TMEM116: variants seen among roughly 807,000 people sequenced by gnomAD.
TMEM116 encodes the protein transmembrane protein 116.
In TMEM116, 38 loss-of-function variants were observed where a neutral mutation model predicts 44.3. That is an observed-to-expected ratio of 0.86 (90% confidence interval 0.66 to 1.12). The LOEUF is 1.12. Among genes scored for constraint, TMEM116 ranks in the 50% most tolerant of loss-of-function variants. The pLI, the probability that TMEM116 is intolerant of heterozygous loss-of-function variation, is 0.00. For missense variants in TMEM116, 354 were observed against 401.7 expected, an observed-to-expected ratio of 0.88 and a Z score of 1.01; for synonymous variants, 132 against 144.8, an observed-to-expected ratio of 0.91 and a Z score of 0.64.
chr12:111,993,630 A>C, intron 3 of TMEM116: 2 of 562,172 alleles, frequency 3.6e-6, no homozygotes, highest in Non-Finnish European at 6.9e-6. Flanking sequence ...CATTCTACAA[A>C]GGGGTTGCTC....
At chr12:111,997,944 A>C (rs2077021317) in intron 3 of TMEM116, among the ~76,000 whole-genome samples, 1 of 152,206 alleles carries the variant, frequency 6.6e-6, no homozygotes, top group South Asian at 2.1e-4. Context: ...CTGGCTTATG[A>C]CCTATCATAA....
intron 1 of TMEM116, among the ~76,000 whole-genome samples, chr12:112,009,819 C>G (rs1032556315): frequency 2.7e-5 from 4 of 150,536 alleles, no homozygotes; most frequent in African/African-American, 9.8e-5. Context: ...GAACTCCAGC[C>G]TGAGTGACCA....
intron 5 of TMEM116, among the ~76,000 whole-genome samples, chr12:111,942,802 GTA>G (rs1053574180): frequency 1.3e-5 from 2 of 151,930 alleles, no homozygotes; most frequent in Non-Finnish European, 2.9e-5. Flanking sequence ...GTGGGTGTGT[GTA>G]TGTGTGTGTG....
At chr12:111,946,421 C>T (rs950713226) in intron 4 of TMEM116, among the ~76,000 whole-genome samples, 2 of 152,196 alleles carry the variant, frequency 1.3e-5, no homozygotes, top group South Asian at 2.1e-4. Flanking sequence ...GTATTCCTTA[C>T]AGGAAACAAA....
At chr12:111,964,175 T>C (rs1359907498) in intron 4 of TMEM116, among the ~76,000 whole-genome samples, 1 of 149,732 alleles carries the variant, frequency 6.7e-6, no homozygotes, top group Non-Finnish European at 1.5e-5. Flanking sequence ...GTGCGGTGGC[T>C]CATGCCTGTA....
chr12:111,947,758 A>G (rs776238225), intron 4 of TMEM116, among the ~76,000 whole-genome samples: 1 of 152,226 alleles, frequency 6.6e-6, no homozygotes, highest in Non-Finnish European at 1.5e-5. Context: ...TCTTAAATAC[A>G]AATTTCTAAT....
chr12:112,005,593 G>A, intron 1 of TMEM116: 1 of 669,216 alleles, frequency 1.5e-6, no homozygotes, highest in South Asian at 6.9e-5. Flanking sequence ...CAGGCACTGA[G>A]GCTCATACCT....
intron 3 of TMEM116, among the ~76,000 whole-genome samples, chr12:112,002,801 T>C (rs1164638339): frequency 6.6e-6 from 1 of 152,176 alleles, no homozygotes; most frequent in Non-Finnish European, 1.5e-5. Flanking sequence ...ATTATTAAAG[T>C]GGGCCCAATA....
chr12:111,954,116 C>T (rs2073927393), intron 4 of TMEM116, among the ~76,000 whole-genome samples: 1 of 152,046 alleles, frequency 6.6e-6, no homozygotes, highest in Non-Finnish European at 1.5e-5. Flanking sequence ...ATTTAATCTC[C>T]TTTGATATCT....
intron 4 of TMEM116, among the ~76,000 whole-genome samples, chr12:111,988,319 TTA>T (rs2076341067): frequency 1.3e-5 from 2 of 152,192 alleles, no homozygotes; most frequent in South Asian, 2.1e-4. Context: ...ATTGTAAATT[TTA>T]TGTTACATTT....
intron 4 of TMEM116, among the ~76,000 whole-genome samples, chr12:111,967,797 A>T (rs2075067811): frequency 6.6e-6 from 1 of 152,222 alleles, no homozygotes; most frequent in Non-Finnish European, 1.5e-5. Flanking sequence ...TCTCCTAGCA[A>T]GCAAACGAAA....
At chr12:112,003,929 A>G (rs997484181) in intron 2 of TMEM116, 66 bp from the exon 3 acceptor site, 66 of 1,423,694 alleles carry the variant, frequency 4.6e-5, no homozygotes, top group African/African-American at 1.5e-5. Context: ...TTTTGTTATT[A>G]ATTTTGGGTT....
intron 4 of TMEM116, among the ~76,000 whole-genome samples, chr12:111,944,765 C>T (rs960791834): frequency 2.6e-5 from 4 of 152,104 alleles, no homozygotes; most frequent in Non-Finnish European, 5.9e-5. Context: ...GTGGGACAAT[C>T]CCTAAAGCTC....
In TMEM116 at chr12:111,938,230, G is replaced by C; in HGVS notation, c.316-20C>G. ...TATCACCTGTGAAAAGAATAAATGT[G>C]AGAAATGTCTTAAGACATTGTCAAT... On this transcript the variant is annotated intron_variant, in intron 5 of 10. Transcript: ENST00000552374. 2.0e-6 allele frequency: 3 copies of C among 1,538,456 alleles called. No homozygotes were observed. Among genetic ancestry groups the C allele is most frequent in the South Asian group, 2.5e-5 (2 of 80,994 alleles).
At chr12:111,988,182 T>C (rs1221363586) in intron 4 of TMEM116, among the ~76,000 whole-genome samples, 1 of 151,986 alleles carries the variant, frequency 6.6e-6, no homozygotes, top group Non-Finnish European at 1.5e-5. Context: ...TAGGGAGAAA[T>C]GGGCAGTTAT....
At chr12:112,000,859 C>A in intron 3 of TMEM116, 2 of 460,742 alleles carry the variant, frequency 4.3e-6, no homozygotes, top group Non-Finnish European at 4.4e-6. Context: ...GGCTCCTCCC[C>A]GAATCCACCA....
rs749181472 is a variant in TMEM116 at position 111,943,339 on chromosome 12, C to G, written c.241G>C (p.Val81Leu). 1 of 1,613,824 alleles carries G rather than the reference C, an allele frequency of 6.2e-7. No individual in the cohort carries two copies. The highest frequency in any genetic ancestry group is 1.1e-5 in the South Asian group (1 of 91,068). ...GTGTACAAATACCAGATGTAATTGACGGTGTAGAGAAATGAGGAAATGTAG... is the reference window on the plus strand; with the variant it reads ...GTGTACAAATACCAGATGTAATTGAGGGTGTAGAGAAATGAGGAAATGTAG... ...IFYISSFLYTVNYIWYLYTEL... is the reference protein window; with the variant it reads ...IFYISSFLYTLNYIWYLYTEL... Residue 81 changes from valine (V) to leucine (L), a missense_variant, in exon 5 of 11, where the codon GTC (valine) becomes CTC (leucine). Coordinates refer to ENST00000552374, the MANE Select transcript of TMEM116 (RefSeq NM_001193531.2).
chr12:111,975,667 AG>A (rs2075628130), intron 4 of TMEM116, among the ~76,000 whole-genome samples: 1 of 152,206 alleles, frequency 6.6e-6, no homozygotes. Context: ...CCTTATAGCA[AG>A]AAAAAAGCCA....
At chr12:112,007,514 G>T (rs923581904) in intron 1 of TMEM116, among the ~76,000 whole-genome samples, 4 of 152,130 alleles carry the variant, frequency 2.6e-5, no homozygotes, top group African/African-American at 7.2e-5. Context: ...TTAAATAGAG[G>T]TTAAGTTCTA....
Sources: gnomAD v4.1 joint callset for allele counts (sites outside exome capture counted in the v4.1 genomes callset) on GRCh38, gnomAD v4.1.1 for gene constraint, MANE v1.5 for transcripts, NCBI Gene and HGNC (gene_info 2026-07-23, HGNC 2026-07-21) for gene names.